The following MYCT1 variants were observed in gnomAD, a reference collection of about 807,000 sequenced individuals.
MYCT1 encodes the protein myc target protein 1.
In MYCT1, 12 loss-of-function variants were observed where a neutral mutation model predicts 15.0. The ratio of observed to expected loss-of-function variants is 0.80; its 90% confidence interval spans 0.51 to 1.29. The LOEUF (loss-of-function observed/expected upper bound fraction) is 1.29. Among genes scored for constraint, MYCT1 ranks in the 50% most tolerant of loss-of-function variants. The pLI is 0.00. For synonymous variants in MYCT1, 104 were observed against 102.7 expected, an observed-to-expected ratio of 1.01 and a Z score of -0.07; for missense variants, 287 against 279.1, an observed-to-expected ratio of 1.03 and a Z score of -0.20.
At chr6:152,704,787 A>G (rs2099721973) in intron 1 of MYCT1, among the ~76,000 whole-genome samples, 1 of 152,194 alleles carries the variant, frequency 6.6e-6, no homozygotes, top group Admixed American at 6.5e-5. Flanking sequence ...TGATATACAT[A>G]TATATTATAA....
chr6:152,732,514 C>A, the MYCT1 span, among the ~76,000 whole-genome samples: 1 of 152,026 alleles, frequency 6.6e-6, no homozygotes, highest in Non-Finnish European at 1.5e-5. Context: ...GAAATAGCGG[C>A]ATGCAATAAA....
the MYCT1 span, among the ~76,000 whole-genome samples, chr6:152,742,975 A>G: frequency 0.016 from 2,362 of 152,148 alleles, 31 homozygotes; most frequent in Non-Finnish European, 0.024. Context: ...TTCTCTATCT[A>G]ATACTTAGGC....
the MYCT1 span, among the ~76,000 whole-genome samples, chr6:152,732,280 G>T: frequency 6.6e-6 from 1 of 151,920 alleles, no homozygotes; most frequent in African/African-American, 2.4e-5. Context: ...ATATTAAACT[G>T]GTCTTAAAGC....
chr6:152,705,493 T>C (rs2099722097), intron 1 of MYCT1, among the ~76,000 whole-genome samples: 1 of 152,046 alleles, frequency 6.6e-6, no homozygotes, highest in South Asian at 2.1e-4. Flanking sequence ...TTTATTTCAC[T>C]TAGCATAATG....
intron 1 of MYCT1, among the ~76,000 whole-genome samples, chr6:152,719,459 T>C (rs1439567090): frequency 1.3e-5 from 2 of 152,224 alleles, no homozygotes; most frequent in South Asian, 2.1e-4. Context: ...GCTTGTTACT[T>C]ACCTCTCAGT....
chr6:152,739,636 T>C, the MYCT1 span, among the ~76,000 whole-genome samples: 1 of 152,080 alleles, frequency 6.6e-6, no homozygotes, highest in Non-Finnish European at 1.5e-5. Flanking sequence ...ATATCGTTTC[T>C]CCTTTTTTTA....
chr6:152,701,394 G>C (rs910698433), intron 1 of MYCT1, among the ~76,000 whole-genome samples: 4 of 152,218 alleles, frequency 2.6e-5, no homozygotes, highest in Non-Finnish European at 4.4e-5. Context: ...TAGAGATTCT[G>C]TGTGTGGTCG....
At chr6:152,738,610 G>A in the MYCT1 span, among the ~76,000 whole-genome samples, 1 of 151,998 alleles carries the variant, frequency 6.6e-6, no homozygotes, top group Non-Finnish European at 1.5e-5. Flanking sequence ...TGAATATGGA[G>A]CGAATAATGC....
the MYCT1 span, among the ~76,000 whole-genome samples, chr6:152,743,742 T>G: frequency 2.0e-5 from 3 of 152,342 alleles, no homozygotes; most frequent in South Asian, 6.2e-4. Flanking sequence ...TTTTCAGTTA[T>G]GAAGTTGCTA....
At chr6:152,729,593 A>G in the MYCT1 span, among the ~76,000 whole-genome samples, 1 of 152,224 alleles carries the variant, frequency 6.6e-6, no homozygotes, top group African/African-American at 2.4e-5. Flanking sequence ...TACAGCTGCC[A>G]CACAATTCAG....
the MYCT1 span, among the ~76,000 whole-genome samples, chr6:152,743,747 T>C: frequency 1.8e-4 from 28 of 152,166 alleles, no homozygotes; most frequent in Non-Finnish European, 3.7e-4. Context: ...AGTTATGAAG[T>C]TGCTAAAATT....
At chr6:152,733,083 TG>T in the MYCT1 span, among the ~76,000 whole-genome samples, 1 of 152,120 alleles carries the variant, frequency 6.6e-6, no homozygotes, top group Admixed American at 6.6e-5. Flanking sequence ...TTGTTTTGTT[TG>T]CTTGTTCTTT....
downstream of MYCT1, among the ~76,000 whole-genome samples, chr6:152,728,295 A>T (rs182663706): frequency 6.6e-5 from 10 of 152,328 alleles, no homozygotes; most frequent in South Asian, 4.1e-4. Flanking sequence ...AATGGGTGCC[A>T]TTAAGTAACA....
At chr6:152,705,779 C>T in intron 1 of MYCT1, 1 of 560,090 alleles carries the variant, frequency 1.8e-6, no homozygotes, top group Admixed American at 3.0e-5. Context: ...CTCCAGCTGA[C>T]TGAGATAAAA....
chr6:152,733,993 G>A, the MYCT1 span, among the ~76,000 whole-genome samples: 4 of 151,936 alleles, frequency 2.6e-5, no homozygotes, highest in Admixed American at 2.0e-4. Context: ...CATACAGACA[G>A]TCTTGCCTCT....
downstream of MYCT1, among the ~76,000 whole-genome samples, chr6:152,729,548 A>C (rs900270560): frequency 2.6e-5 from 4 of 152,178 alleles, no homozygotes; most frequent in East Asian, 7.7e-4. Flanking sequence ...CAAATCATCG[A>C]AGTATAATGC....
the MYCT1 span, among the ~76,000 whole-genome samples, chr6:152,730,712 G>T: frequency 6.6e-6 from 1 of 151,874 alleles, no homozygotes; most frequent in South Asian, 2.1e-4. Context: ...ATCTTTATTG[G>T]AATCTACTAG....
the MYCT1 span, among the ~76,000 whole-genome samples, chr6:152,736,697 TA>T: frequency 6.6e-6 from 1 of 152,030 alleles, no homozygotes; most frequent in Non-Finnish European, 1.5e-5. Context: ...CACTTTTTTT[TA>T]AAAAAAGAAA....
the MYCT1 span, among the ~76,000 whole-genome samples, chr6:152,730,171 T>C: frequency 3.3e-5 from 5 of 152,352 alleles, no homozygotes; most frequent in Admixed American, 1.3e-4. Context: ...ATAGATTCCA[T>C]GTTCTACCCT....
Sources: gnomAD v4.1 joint callset for allele counts (sites outside exome capture counted in the v4.1 genomes callset) on GRCh38, gnomAD v4.1.1 for gene constraint, MANE v1.5 for transcripts, NCBI Gene and HGNC (gene_info 2026-07-23, HGNC 2026-07-21) for gene names.